The following ELAVL2 variants were observed in gnomAD, a reference collection of about 807,000 sequenced individuals.
ELAVL2 encodes ELAV like RNA binding protein 2.
Under a neutral mutation model 34.6 loss-of-function variants are expected in ELAVL2, and 4 were observed. That is an observed-to-expected ratio of 0.12 (90% CI 0.06 to 0.26). The LOEUF (loss-of-function observed/expected upper bound fraction) is 0.26. ELAVL2 is among the 10% of genes least tolerant of loss of function. The probability of loss-of-function intolerance (pLI) is 1.00; values close to 1 mark genes in which losing one functional copy is unlikely to be tolerated. For synonymous variants in ELAVL2, 193 were observed against 154.8 expected, an observed-to-expected ratio of 1.25 and a Z score of -1.83; for missense variants, 432 against 442.8, an observed-to-expected ratio of 0.98 and a Z score of 0.22.
intron 1 of ELAVL2, among the ~76,000 whole-genome samples, chr9:23,769,756 AT>A (rs1251589352): frequency 6.6e-6 from 1 of 152,164 alleles, no homozygotes; most frequent in African/African-American, 2.4e-5. Flanking sequence ...TGCACGCGTC[AT>A]AAGGAGAATG....
chr9:23,727,228 A>G (rs948717293), intron 3 of ELAVL2, among the ~76,000 whole-genome samples: 1 of 152,100 alleles, frequency 6.6e-6, no homozygotes, highest in Non-Finnish European at 1.5e-5. Flanking sequence ...TTAACCAGGA[A>G]AAAAAGTGAC....
intron 1 of ELAVL2, among the ~76,000 whole-genome samples, chr9:23,785,459 C>T (rs780528500): frequency 6.6e-6 from 1 of 152,180 alleles, no homozygotes; most frequent in Non-Finnish European, 1.5e-5. Flanking sequence ...TTTTAGTTAT[C>T]ACAGCTGCAC....
At chr9:23,849,312 T>G in the ELAVL2 span, among the ~76,000 whole-genome samples, 1 of 152,182 alleles carries the variant, frequency 6.6e-6, no homozygotes, top group Non-Finnish European at 1.5e-5. Context: ...AAGCAATTCC[T>G]TTCTCCAGCC....
In ELAVL2 at chr9:23,701,464, T is replaced by A; in HGVS notation, c.628A>T (p.Thr210Ser). Reference sequence around the variant, plus strand: ...AGCTGGGAAAGGATGGCCTGATTGGTTTTTTGGCTTGGGTTATTAGCAAAC... The same window carrying A: ...AGCTGGGAAAGGATGGCCTGATTGGATTTTTGGCTTGGGTTATTAGCAAAC... ...VKFANNPSQK[T>S]NQAILSQLYQ... Residue 210 changes from threonine to serine, a missense_variant, in exon 5 of 7, where the codon ACC (threonine) becomes TCC (serine). Physicochemically the swap from Thr to Ser is moderately conservative, Grantham distance 58. This residue lies in a region of ELAVL2 where 295 missense variants were observed against 306.1 expected (regional missense o/e 0.96). Transcript: ENST00000397312. The A allele has an allele frequency of 3.1e-6, 5 of 1,614,058 alleles. No individual in the cohort carries two copies. Among genetic ancestry groups the A allele is most frequent in the Non-Finnish European group, 1.7e-6 (2 of 1,179,986 alleles).
chr9:23,804,046 C>G (rs188734590), intron 1 of ELAVL2, among the ~76,000 whole-genome samples: 1 of 151,888 alleles, frequency 6.6e-6, no homozygotes, highest in Admixed American at 6.6e-5. Flanking sequence ...TCTGAAAAGC[C>G]CAAGGGGGAT....
chr9:23,733,242 A>C (rs556738747), intron 2 of ELAVL2, among the ~76,000 whole-genome samples: 1 of 151,706 alleles, frequency 6.6e-6, no homozygotes, highest in East Asian at 1.9e-4. Flanking sequence ...AAATAGATAG[A>C]TATATATACA....
Position 23,729,453 on chromosome 9 carries a change from T to C in ELAVL2, c.333+1569A>G, listed in dbSNP as rs113607345. The stretch of plus-strand genomic sequence containing the variant: ...TTAAAGAACACTTATTGTTACTTAA[T>C]AGTACTAGTAAAAGATCTCTGACAC... On this transcript the variant is annotated intron_variant, in intron 3 of 6. Coordinates refer to ENST00000397312, the MANE Select transcript of ELAVL2 (RefSeq NM_004432.5). 2.8e-4 allele frequency among the ~76,000 whole-genome samples: 42 copies of C among 152,256 alleles called. 2 individuals are homozygous for C. The highest frequency in any genetic ancestry group is 9.9e-4 in the African/African-American group (41 of 41,558).
chr9:23,732,677 C>T (rs2046872756), intron 2 of ELAVL2, among the ~76,000 whole-genome samples: 1 of 152,160 alleles, frequency 6.6e-6, no homozygotes, highest in Non-Finnish European at 1.5e-5. Flanking sequence ...ACAAAATCTG[C>T]TCAAGGAACC....
intron 2 of ELAVL2, among the ~76,000 whole-genome samples, chr9:23,759,450 G>T (rs528137245): frequency 6.6e-6 from 1 of 151,668 alleles, no homozygotes; most frequent in Non-Finnish European, 1.5e-5. Flanking sequence ...TGAGTACAGG[G>T]TCACTGTTAA....
intron 6 of ELAVL2, 42 bp from the exon 7 acceptor site, chr9:23,692,926 TA>T: frequency 6.4e-7 from 1 of 1,573,312 alleles, no homozygotes; most frequent in Middle Eastern, 1.7e-4. Context: ...ACACAAAAAA[TA>T]AAAACAGAGG....
intron 3 of ELAVL2, among the ~76,000 whole-genome samples, chr9:23,710,155 G>A (rs376529778): frequency 4.6e-5 from 7 of 152,258 alleles, no homozygotes; most frequent in Admixed American, 6.5e-5. Flanking sequence ...AAATGGAACC[G>A]TTTGAAATAT....
chr9:23,803,583 A>G (rs756089608), intron 1 of ELAVL2, among the ~76,000 whole-genome samples: 6 of 152,196 alleles, frequency 3.9e-5, no homozygotes, highest in Non-Finnish European at 8.8e-5. Flanking sequence ...GCCATCCTGT[A>G]AAATTGTCCC....
chr9:23,837,136 A>G, the ELAVL2 span, among the ~76,000 whole-genome samples: 1 of 152,298 alleles, frequency 6.6e-6, no homozygotes, highest in South Asian at 2.1e-4. Flanking sequence ...ACTGGGAAAG[A>G]GATAGGGCTC....
rs189993335 is a variant in ELAVL2, at chr9:23,819,897, G to A, written c.-16+5909C>T. Among the ~76,000 whole-genome samples, 9 of 152,094 alleles carry A rather than the reference G, an allele frequency of 5.9e-5. No homozygotes were observed. In the East Asian group the frequency reaches 1.4e-3, roughly 23 times the overall value. The stretch of plus-strand genomic sequence containing the variant: ...CCCATAGTTTGCAAGCGAACTTCCC[G>A]TAAGTATATCCTCCCCACAACCTTA... On this transcript the variant is annotated intron_variant, in intron 1 of 6. Coordinates refer to ENST00000397312, the MANE Select transcript of ELAVL2 (RefSeq NM_004432.5).
intron 1 of ELAVL2, among the ~76,000 whole-genome samples, chr9:23,818,418 C>T (rs779398966): frequency 2.3e-4 from 35 of 152,212 alleles, no homozygotes; most frequent in South Asian, 4.1e-4. Flanking sequence ...GCAACCATAC[C>T]GGTTACAAGC....
intron 3 of ELAVL2, among the ~76,000 whole-genome samples, chr9:23,707,529 A>T (rs1466979930): frequency 6.6e-6 from 1 of 152,168 alleles, no homozygotes; most frequent in East Asian, 1.9e-4. Context: ...GCTAACTTCC[A>T]ATGACTGATC....
chr9:23,834,797 T>C, the ELAVL2 span, among the ~76,000 whole-genome samples: 1 of 152,016 alleles, frequency 6.6e-6, no homozygotes, highest in Admixed American at 6.6e-5. Context: ...GACTTCAATA[T>C]ATTTCCCAAT....
intron 3 of ELAVL2, among the ~76,000 whole-genome samples, chr9:23,711,338 T>C (rs1299966424): frequency 1.3e-5 from 2 of 152,202 alleles, no homozygotes; most frequent in African/African-American, 4.8e-5. Context: ...AAACAATTGC[T>C]TTAATTCAAG....
chr9:23,788,073 T>C (rs746846654), intron 1 of ELAVL2, among the ~76,000 whole-genome samples: 3 of 152,294 alleles, frequency 2.0e-5, no homozygotes, highest in Non-Finnish European at 2.9e-5. Flanking sequence ...ATTTTTACTT[T>C]TAAGACTGTA....
Sources: gnomAD v4.1 joint callset for allele counts (sites outside exome capture counted in the v4.1 genomes callset) on GRCh38, gnomAD v4.1.1 for gene constraint, gnomAD v4.1.1 regional missense constraint, MANE v1.5 for transcripts, NCBI Gene and HGNC (gene_info 2026-07-23, HGNC 2026-07-21) for gene names.